TUSC3: variants seen among roughly 807,000 people sequenced by gnomAD.
The protein encoded by TUSC3 is tumor suppressor candidate 3.
Under a neutral mutation model 44.8 loss-of-function variants are expected in TUSC3, and 45 were observed. The observed-to-expected ratio is 1.00, with a 90% CI of 0.79 to 1.29. The LOEUF (loss-of-function observed/expected upper bound fraction) is 1.29. TUSC3 is among the 50% of genes most tolerant of loss of function. TUSC3 has a pLI of 0.00. For missense variants in TUSC3, 519 were observed against 437.9 expected, an observed-to-expected ratio of 1.19 and a Z score of -1.65; for synonymous variants, 212 against 152.9, an observed-to-expected ratio of 1.39 and a Z score of -2.85.
At chr8:15,478,763 A>G (rs1354057019) in intron 1 of TUSC3, among the ~76,000 whole-genome samples, 3 of 152,126 alleles carry the variant, frequency 2.0e-5, no homozygotes, top group Admixed American at 2.0e-4. Flanking sequence ...TATCTTTATA[A>G]CAGAATGATT....
At chr8:15,491,319 C>T (rs746665535) in intron 2 of TUSC3, among the ~76,000 whole-genome samples, 7 of 152,058 alleles carry the variant, frequency 4.6e-5, no homozygotes, top group Non-Finnish European at 1.0e-4. Flanking sequence ...AAGGAATTTC[C>T]CTGTGAGTAA....
chr8:15,676,112 A>G (rs1808179458), intron 6 of TUSC3, among the ~76,000 whole-genome samples: 1 of 152,150 alleles, frequency 6.6e-6, no homozygotes, highest in African/African-American at 2.4e-5. Flanking sequence ...TTGACTTTTA[A>G]AAAACAGCCA....
chr8:15,444,484 G>A (rs999511287), intron 1 of TUSC3, among the ~76,000 whole-genome samples: 1 of 152,204 alleles, frequency 6.6e-6, no homozygotes, highest in African/African-American at 2.4e-5. Flanking sequence ...CAGGATTCTT[G>A]CTGTAGGCAG....
chr8:15,520,510 T>C (rs960969427), intron 2 of TUSC3, among the ~76,000 whole-genome samples: 38 of 152,222 alleles, frequency 2.5e-4, no homozygotes, highest in African/African-American at 9.2e-4. Flanking sequence ...TTTATCTATA[T>C]TTCTATGAAA....
intron 2 of TUSC3, among the ~76,000 whole-genome samples, 165 bp from the exon 3 acceptor site, chr8:15,650,532 G>T (rs1335770387): frequency 6.6e-6 from 1 of 152,058 alleles, no homozygotes; most frequent in African/African-American, 2.4e-5. Context: ...TAATTTTCAT[G>T]TCAGAGAATC....
chr8:15,761,650 C>CT (rs1231366243), intron 10 of TUSC3, among the ~76,000 whole-genome samples: 2 of 152,204 alleles, frequency 1.3e-5, no homozygotes, highest in Admixed American at 6.5e-5. Context: ...TCGTTCATGA[C>CT]TGAGCGTGGA....
In TUSC3 at chr8:15,540,548, G is replaced by A. The variant is rs1275113534; in HGVS notation, c.118G>A (p.Gly40Arg). The change falls in exon 1 of 11, where the codon GGA becomes AGA. Residue 40 changes from glycine to arginine, a missense_variant. Transcript: ENST00000503731. ...LLLLLCIQLG[G>R]GQKKKENLLA... The stretch of plus-strand genomic sequence containing the variant: ...GCTGCTGCTCTGCATCCAGCTCGGG[G>A]GAGGACAGAAGAAAAAGGAGGTAGA... The A allele has an allele frequency of 6.3e-7, 1 of 1,597,110 alleles. No homozygotes were observed. The highest frequency in any genetic ancestry group is 8.5e-7 in the Non-Finnish European group (1 of 1,172,608).
the TUSC3 span, among the ~76,000 whole-genome samples, chr8:15,845,968 A>T: frequency 1.9e-3 from 292 of 152,242 alleles, no homozygotes; most frequent in African/African-American, 6.7e-3. Flanking sequence ...GGGGAAAGGC[A>T]CTTCTTACAT....
rs539775152 is a variant in TUSC3 at position 15,488,983 on chromosome 8, A to T, written n.189+5500A>T. Among the ~76,000 whole-genome samples the T allele has an allele frequency of 3.3e-5, 5 of 152,308 alleles. No homozygotes were observed. In the South Asian group the frequency reaches 1.0e-3, roughly 32 times the overall value. On this transcript the variant is annotated intron_variant and non_coding_transcript_variant, in intron 2 of 5. Coordinates refer to the TUSC3 transcript ENST00000503191. The stretch of plus-strand genomic sequence containing the variant: ...AGTAATCTCAGTCTCTTGGCTATTC[A>T]GGATAGAGTGTGTTGATGAAAAAGA...
the TUSC3 span, among the ~76,000 whole-genome samples, chr8:15,801,026 G>T: frequency 1.3e-5 from 2 of 152,256 alleles, no homozygotes; most frequent in South Asian, 4.1e-4. Flanking sequence ...CCCAGAGAGG[G>T]TTCTGGATCT....
chr8:15,488,709 C>T (rs1460435600), intron 2 of TUSC3, among the ~76,000 whole-genome samples: 2 of 152,114 alleles, frequency 1.3e-5, no homozygotes, highest in Non-Finnish European at 2.9e-5. Flanking sequence ...AGCTCATTTT[C>T]TTTCTCTCCC....
intron 1 of TUSC3, among the ~76,000 whole-genome samples, chr8:15,449,425 TG>T (rs1237090614): frequency 2.6e-5 from 4 of 151,994 alleles, no homozygotes; most frequent in Admixed American, 2.6e-4. Context: ...CTCCATAGAG[TG>T]GTCAGAACCA....
chr8:15,657,857 T>G (rs1440432441), intron 3 of TUSC3, among the ~76,000 whole-genome samples: 6 of 152,196 alleles, frequency 3.9e-5, no homozygotes. Flanking sequence ...AGATATTTGT[T>G]TCCCATAGTG....
the TUSC3 span, among the ~76,000 whole-genome samples, chr8:15,820,640 A>G: frequency 6.6e-6 from 1 of 152,112 alleles, no homozygotes; most frequent in Non-Finnish European, 1.5e-5. Context: ...TTACCATGAC[A>G]TCACTTTCTG....
intron 1 of TUSC3, among the ~76,000 whole-genome samples, chr8:15,596,516 G>C (rs75715696): frequency 6.6e-6 from 1 of 152,110 alleles, no homozygotes; most frequent in East Asian, 1.9e-4. Context: ...GGATTTTGGC[G>C]TGTGGGGTGT....
chr8:15,804,223 C>G, the TUSC3 span, among the ~76,000 whole-genome samples: 3 of 152,154 alleles, frequency 2.0e-5, no homozygotes, highest in Non-Finnish European at 4.4e-5. Flanking sequence ...TGTTTCCTGA[C>G]TTTTTAATGA....
At chr8:15,651,499 A>G (rs1027084608) in intron 3 of TUSC3, among the ~76,000 whole-genome samples, 3 of 152,228 alleles carry the variant, frequency 2.0e-5, no homozygotes, top group Non-Finnish European at 4.4e-5. Flanking sequence ...TTAAGGTTAA[A>G]TGAGGCCATA....
intron 1 of TUSC3, among the ~76,000 whole-genome samples, chr8:15,457,170 G>C (rs1800267292): frequency 7.6e-6 from 1 of 130,844 alleles, no homozygotes; most frequent in African/African-American, 2.8e-5. Context: ...CCTGTTGTGA[G>C]GTGGGGGGAG....
the TUSC3 span, among the ~76,000 whole-genome samples, chr8:15,815,231 G>C: frequency 1.9e-4 from 29 of 152,162 alleles, no homozygotes; most frequent in African/African-American, 6.7e-4. Context: ...ATGAAAGATA[G>C]ATAGACTATT....
Sources: allele counts gnomAD v4.1 joint callset (sites outside exome capture counted in the v4.1 genomes callset), GRCh38; gene constraint gnomAD v4.1.1; transcripts MANE v1.5; gene names NCBI Gene and HGNC (gene_info 2026-07-23, HGNC 2026-07-21).